Variants in TENM2 observed in about 807,000 individuals in gnomAD.
TENM2 encodes teneurin-2.
Under a neutral mutation model 245.2 loss-of-function variants are expected in TENM2, and 52 were observed. The ratio of observed to expected loss-of-function variants is 0.21; its 90% CI spans 0.17 to 0.27. TENM2 has a LOEUF of 0.27. Ranked by LOEUF, TENM2 falls within the 10% of genes least tolerant of loss-of-function variation. The pLI, the probability that TENM2 is intolerant of heterozygous loss-of-function variation, is 1.00. For synonymous variants in TENM2, 1,363 were observed against 1,438.9 expected (o/e 0.95, Z 1.19); for missense variants, 3,046 against 3,666.8 (o/e 0.83, Z 4.37).
the TENM2 span, among the ~76,000 whole-genome samples, chr5:167,041,631 T>A: frequency 6.6e-6 from 1 of 152,262 alleles, no homozygotes; most frequent in South Asian, 2.1e-4. Context: ...GGGGACAAAA[T>A]CCATTTTAAT....
chr5:166,985,144 G>A, the TENM2 span, among the ~76,000 whole-genome samples: 10 of 152,060 alleles, frequency 6.6e-5, no homozygotes, highest in African/African-American at 2.4e-4. Flanking sequence ...TTCATTTTGG[G>A]TTTTTCTCAG....
exon 21 of TENM2, chr5:168,215,232 T>G: frequency 6.2e-7 from 1 of 1,613,786 alleles, no homozygotes. Flanking sequence ...GCTGCGGGGA[T>G]GGAGGGAAGG....
At chr5:168,201,500 T>C (rs934101327) in intron 17 of TENM2, among the ~76,000 whole-genome samples, 7 of 151,980 alleles carry the variant, frequency 4.6e-5, no homozygotes, top group Non-Finnish European at 1.0e-4. Flanking sequence ...CTACTCCCCT[T>C]TCTCCTGTAT....
At chr5:167,882,096 A>G (rs1680847023) in intron 3 of TENM2, among the ~76,000 whole-genome samples, 3 of 152,190 alleles carry the variant, frequency 2.0e-5, no homozygotes, top group Admixed American at 2.0e-4. Flanking sequence ...TCCTCTGTTA[A>G]CTGTTAACCT....
At chr5:168,237,375 C>G (rs963321142) in intron 25 of TENM2, among the ~76,000 whole-genome samples, 4 of 151,980 alleles carry the variant, frequency 2.6e-5, no homozygotes, top group Non-Finnish European at 5.9e-5. Flanking sequence ...TCAGAGTTAG[C>G]AGGGTTCTTG....
intron 2 of TENM2, among the ~76,000 whole-genome samples, chr5:167,422,473 G>T (rs1293475664): frequency 1.3e-5 from 2 of 152,122 alleles, no homozygotes. Flanking sequence ...CATTTTAAGG[G>T]ATTTTCAACT....
At chr5:168,158,920 C>T (rs1336743497) in intron 12 of TENM2, among the ~76,000 whole-genome samples, 1 of 139,702 alleles carries the variant, frequency 7.2e-6, no homozygotes, top group East Asian at 2.1e-4. Flanking sequence ...TGTATATATA[C>T]ACATATATAT....
chr5:167,705,009 T>C (rs1005513277), intron 2 of TENM2, among the ~76,000 whole-genome samples: 4 of 152,148 alleles, frequency 2.6e-5, no homozygotes, highest in African/African-American at 9.7e-5. Flanking sequence ...TACTTTGAAG[T>C]TGGTAAAAGT....
chr5:167,743,244 G>A (rs1235532230), intron 2 of TENM2, among the ~76,000 whole-genome samples: 1 of 152,084 alleles, frequency 6.6e-6, no homozygotes. Context: ...AATGCATAAT[G>A]TCTCCCCGCA....
intron 2 of TENM2, among the ~76,000 whole-genome samples, chr5:167,818,500 G>A (rs1181779447): frequency 1.3e-5 from 2 of 152,078 alleles, no homozygotes; most frequent in East Asian, 3.9e-4. Flanking sequence ...CTGAATCCTC[G>A]AAAATAATAT....
chr5:167,302,457 A>G (rs1260894090), intron 1 of TENM2, among the ~76,000 whole-genome samples: 1 of 151,802 alleles, frequency 6.6e-6, no homozygotes, highest in East Asian at 2.0e-4. Flanking sequence ...TACCCTCCAG[A>G]AAAGGAGGAA....
exon 29 of TENM2, chr5:168,262,143 T>C: frequency 6.2e-7 from 1 of 1,613,806 alleles, no homozygotes; most frequent in Non-Finnish European, 8.5e-7. Context: ...CACGCCAGCA[T>C]CCGAGAGAAA....
chr5:167,251,710 G>A, the TENM2 span, among the ~76,000 whole-genome samples: 2 of 152,176 alleles, frequency 1.3e-5, no homozygotes, highest in Admixed American at 6.5e-5. Context: ...TTTCCTCTAT[G>A]GGATTTTTCA....
chr5:167,825,228 A>G (rs935655524), intron 2 of TENM2, among the ~76,000 whole-genome samples: 1 of 152,030 alleles, frequency 6.6e-6, no homozygotes, highest in Non-Finnish European at 1.5e-5. Flanking sequence ...AGATAGACAC[A>G]TAATCCAGCA....
At chr5:166,990,162 G>A in the TENM2 span, among the ~76,000 whole-genome samples, 1 of 151,870 alleles carries the variant, frequency 6.6e-6, no homozygotes, top group African/African-American at 2.4e-5. Context: ...TTTTTTCTGT[G>A]GTTTAGACTC....
At chr5:167,695,739 A>C (rs1582774553) in intron 2 of TENM2, among the ~76,000 whole-genome samples, 2 of 151,450 alleles carry the variant, frequency 1.3e-5, no homozygotes, top group East Asian at 4.0e-4. Context: ...AAAAAAAAAA[A>C]ACAAAACAGA....
the TENM2 span, among the ~76,000 whole-genome samples, chr5:167,278,723 A>G: frequency 2.6e-5 from 4 of 152,126 alleles, no homozygotes; most frequent in African/African-American, 9.7e-5. Context: ...ACCCTCCCCT[A>G]TTTATAATAT....
At chr5:167,810,622 A>G (rs550181426) in intron 2 of TENM2, among the ~76,000 whole-genome samples, 54 of 145,470 alleles carry the variant, frequency 3.7e-4, no homozygotes, top group Admixed American at 2.4e-3. Flanking sequence ...GAGAGAGAGG[A>G]AAAAAAAAAA....
At chr5:168,014,410 G>C (rs952801304) in intron 5 of TENM2, among the ~76,000 whole-genome samples, 1 of 152,036 alleles carries the variant, frequency 6.6e-6, no homozygotes, top group African/African-American at 2.4e-5. Flanking sequence ...CCCCAAGTGC[G>C]CTGGCCTCTG....
Sources: gnomAD v4.1 joint callset for allele counts (sites outside exome capture counted in the v4.1 genomes callset) on GRCh38, gnomAD v4.1.1 for gene constraint, MANE v1.5 for transcripts, NCBI Gene and HGNC (gene_info 2026-07-23, HGNC 2026-07-21) for gene names.